Variants in ZNF182 observed in about 807,000 individuals in gnomAD.
ZNF182 encodes zinc finger protein 21 (KOX 14).
ZNF182 carries 10 observed loss-of-function variants against 28.1 expected under a neutral mutation model. That is an observed-to-expected ratio of 0.36 (90% CI 0.22 to 0.60). The LOEUF (loss-of-function observed/expected upper bound fraction) is 0.60. ZNF182 is among the 20% of genes least tolerant of loss of function. ZNF182 has a pLI of 0.75. For missense variants in ZNF182, 352 were observed against 453.2 expected (o/e 0.78, Z 2.03); for synonymous variants, 156 against 158.7 (o/e 0.98, Z 0.13).
intron 3 of ZNF182, among the ~76,000 whole-genome samples, chrX:47,989,262 T>G (rs2058933045): frequency 9.1e-6 from 1 of 110,328 alleles, no homozygotes; most frequent in Non-Finnish European, 1.9e-5. Context: ...ACCCCATCTC[T>G]ACTAAAATAC....
chrX:47,991,524 C>A (rs1002182059), intron 3 of ZNF182, among the ~76,000 whole-genome samples: 1 of 112,165 alleles, frequency 8.9e-6, no homozygotes, highest in East Asian at 2.8e-4. Context: ...GAGTGAAAAC[C>A]ACGAGGTGGC....
chrX:47,995,840 A>G (rs1404775357), intron 3 of ZNF182, among the ~76,000 whole-genome samples: 1 of 112,724 alleles, frequency 8.9e-6, no homozygotes, highest in African/African-American at 3.2e-5. Context: ...GGTGTGCAGA[A>G]GAAGTGGAAC....
intron 3 of ZNF182, among the ~76,000 whole-genome samples, chrX:47,987,590 G>C (rs2058927309): frequency 8.9e-6 from 1 of 112,496 alleles, no homozygotes; most frequent in Admixed American, 9.4e-5. Context: ...TTAAAGAAGG[G>C]AGATGCAAAT....
At chrX:47,981,623 G>A (rs973333186) in intron 5 of ZNF182, among the ~76,000 whole-genome samples, 9 of 112,076 alleles carry the variant, frequency 8.0e-5, no homozygotes, top group Non-Finnish European at 1.3e-4. Flanking sequence ...CAGTGGGGCC[G>A]GGCACGGTGG....
Position 47,984,406 on chromosome X carries a change from A to C in ZNF182, c.16-995T>G, listed in dbSNP as rs73491291. The stretch of plus-strand genomic sequence containing the variant: ...GCATATACCATGACCCAGCAATTCT[A>C]CTCCTAGGTACACATCTTAGAGAAA... On this transcript the variant is annotated intron_variant, in intron 3 of 5. Coordinates refer to ENST00000376943, the MANE Select transcript of ZNF182 (RefSeq NM_001007088.2). Among the ~76,000 whole-genome samples the C allele has an allele frequency of 2.3e-3, 255 of 111,321 alleles. 1 individual carries two copies. Among genetic ancestry groups the C allele is most frequent in the African/African-American group, 8.0e-3 (244 of 30,644 alleles).
chrX:47,991,020 T>C (rs1232592856), intron 3 of ZNF182, among the ~76,000 whole-genome samples: 1 of 112,031 alleles, frequency 8.9e-6, no homozygotes, highest in African/African-American at 3.2e-5. Context: ...TGGTTTATGC[T>C]TGAATTATAA....
At chrX:47,998,149 A>T (rs1470698448) in intron 3 of ZNF182, among the ~76,000 whole-genome samples, 1 of 105,404 alleles carries the variant, frequency 9.5e-6, no homozygotes, top group African/African-American at 3.5e-5. Flanking sequence ...CAATGGCGTG[A>T]TCTTGGCTCA....
Position 47,989,426 on chromosome X carries a change from C to CAA in ZNF182, c.16-6017_16-6016dup, listed in dbSNP as rs34874899. Among the ~76,000 whole-genome samples the CAA allele has an allele frequency of 2.3e-3, 201 of 88,570 alleles. 1 individual carries two copies. The highest frequency in any genetic ancestry group is 0.011 in the Middle Eastern group (2 of 179). The allele number at this position is 88,570 out of a possible 115,157, so 76.9% of individuals were successfully genotyped here. On this transcript the variant is annotated intron_variant, in intron 3 of 5. Coordinates refer to ENST00000376943, the MANE Select transcript of ZNF182 (RefSeq NM_001007088.2). ...TAGGCAACAGAGTGAGACTTCGTCT[C>CAA]AAAAAAAAAAAAAAAGACAAATTGA...
chrX:47,999,359 T>C (rs60443213), intron 3 of ZNF182, among the ~76,000 whole-genome samples: 2 of 24,470 alleles, frequency 8.2e-5, no homozygotes, highest in Non-Finnish European at 2.7e-4. Context: ...CAAGACTCCA[T>C]CTCAAAAAAA....
chrX:47,993,698 C>G (rs1429948986), intron 3 of ZNF182, among the ~76,000 whole-genome samples: 1 of 111,647 alleles, frequency 9.0e-6, no homozygotes, highest in African/African-American at 3.3e-5. Flanking sequence ...AAACAGAGAA[C>G]AAAATGGAGA....
intron 3 of ZNF182, among the ~76,000 whole-genome samples, chrX:47,996,239 G>A (rs1433553071): frequency 2.7e-5 from 3 of 110,619 alleles, no homozygotes; most frequent in Admixed American, 9.6e-5. Context: ...AGGGAAAAGG[G>A]ACTTATAAGA....
At position 48,000,888 on chromosome X, in the gene ZNF182, GA is replaced by G. The variant is rs1229534640; in HGVS notation, c.15+1706del. On this transcript the variant is annotated intron_variant, in intron 3 of 5. Coordinates refer to ENST00000376943, the MANE Select transcript of ZNF182 (RefSeq NM_001007088.2). ...AACTCAACAGCAAGAAAATCCAATT[GA>G]AAAATGGGCGGAAACTTTTGAACAG... Among the ~76,000 whole-genome samples the G allele has an allele frequency of 3.6e-5, 4 of 111,903 alleles. No individual in the cohort carries two copies. The East Asian group carries it at 1.1e-3, about 31-fold the overall frequency.
chrX:47,989,673 T>C (rs1236540133), intron 3 of ZNF182, among the ~76,000 whole-genome samples: 1 of 112,360 alleles, frequency 8.9e-6, no homozygotes, highest in Non-Finnish European at 1.9e-5. Context: ...AATAGTATTA[T>C]ATCAATGTTA....
At chrX:47,985,629 A>G (rs1330186533) in intron 3 of ZNF182, among the ~76,000 whole-genome samples, 2 of 111,239 alleles carry the variant, frequency 1.8e-5, no homozygotes, top group African/African-American at 6.5e-5. Context: ...TCTGAGTTAT[A>G]TGAGTCATTC....
rs782764837 is a variant in ZNF182, at chrX:47,994,624, GTGA to G, written c.15+7968_15+7970del. Among the ~76,000 whole-genome samples, 206 of 111,805 alleles carry G rather than the reference GTGA, an allele frequency of 1.8e-3. 3 individuals carry two copies. The highest frequency in any genetic ancestry group is 6.4e-3 in the African/African-American group (198 of 30,785). On this transcript the variant is annotated intron_variant, in intron 3 of 5. Transcript: ENST00000376943. ...AGATGAGTCCCCTTCTCTCCAGAGGGTGATTTAACCAATCATACTTTTTTGTGT... is the reference window on the plus strand; with the variant it reads ...AGATGAGTCCCCTTCTCTCCAGAGGGTTTAACCAATCATACTTTTTTGTGT...
chrX:48,000,090 C>T lies in ZNF182; in HGVS notation c.15+2505G>A, dbSNP rs2058973690. Among the ~76,000 whole-genome samples, 3 of 108,838 alleles carry T rather than the reference C, an allele frequency of 2.8e-5. No individual in the cohort carries two copies. In the Admixed American group the frequency reaches 2.9e-4, roughly 11 times the overall value. The allele number at this position is 108,838 out of a possible 115,157, so 94.5% of individuals were successfully genotyped here. ...GCCGGAGGTTGCAGTGAGCTGAGAT[C>T]GCACCACTGCACTCCAGCCTGGGCA... On this transcript the variant is annotated intron_variant, in intron 3 of 5. Coordinates refer to ENST00000376943, the MANE Select transcript of ZNF182 (RefSeq NM_001007088.2).
intron 3 of ZNF182, among the ~76,000 whole-genome samples, chrX:47,984,637 T>C (rs1352229613): frequency 8.9e-6 from 1 of 111,847 alleles, no homozygotes; most frequent in African/African-American, 3.3e-5. Flanking sequence ...AACTCGAAGA[T>C]TGAAGAAACT....
chrX:47,985,740 T>C (rs1362762176), intron 3 of ZNF182, among the ~76,000 whole-genome samples: 2 of 110,808 alleles, frequency 1.8e-5, no homozygotes, highest in Non-Finnish European at 1.9e-5. Flanking sequence ...AGTGACCCAC[T>C]AGCAAAATTT....
rs782544016 is a variant in ZNF182, at chrX:47,983,441, A to C, written c.16-30T>G. ...AATGGTACATTCCTTTTATTTTAAAATGCTGACCACTAGATGATGAGGATA... is the reference window on the plus strand; with the variant it reads ...AATGGTACATTCCTTTTATTTTAAACTGCTGACCACTAGATGATGAGGATA... On this transcript the variant is annotated intron_variant, in intron 3 of 5. Coordinates refer to ENST00000376943, the MANE Select transcript of ZNF182 (RefSeq NM_001007088.2). 8 of 1,174,707 alleles carry C rather than the reference A, an allele frequency of 6.8e-6. No individual in the cohort carries two copies. The Admixed American group carries it at 2.0e-4, about 29-fold the overall frequency.
Sources: gnomAD v4.1 joint callset for allele counts (sites outside exome capture counted in the v4.1 genomes callset) on GRCh38, gnomAD v4.1.1 for gene constraint, MANE v1.5 for transcripts, NCBI Gene and HGNC (gene_info 2026-07-23, HGNC 2026-07-21) for gene names.